Variants in NCOR2 observed in about 807,000 individuals in gnomAD.
The protein encoded by NCOR2 is nuclear receptor corepressor 2, also known as CTG repeat protein 26.
NCOR2 carries 81 observed loss-of-function variants against 262.9 expected under a neutral mutation model. The observed-to-expected ratio is 0.31, with a 90% CI of 0.26 to 0.37. The LOEUF is 0.37. Among genes scored for constraint, NCOR2 ranks in the 10% least tolerant of loss-of-function variants. The pLI is 1.00. For synonymous variants in NCOR2, 1,659 were observed against 1,559.3 expected, an observed-to-expected ratio of 1.06 and a Z score of -1.51; for missense variants, 3,385 against 3,621.4, an observed-to-expected ratio of 0.93 and a Z score of 1.68.
rs1243025 is a variant in NCOR2, at chr12:124,528,059, C to T, written c.-118+7506G>A. ...CCCGAGGCCTCCTGAGGTTTCACTG[C>T]GGAACAGACGTCATCCCTTCCACGA... On this transcript the variant is annotated intron_variant, in intron 1 of 46. Coordinates refer to the NCOR2 transcript ENST00000404621. 5.0e-3 allele frequency among the ~76,000 whole-genome samples: 754 copies of T among 152,246 alleles called. 1 individual carries two copies. The highest frequency in any genetic ancestry group is 7.9e-3 in the Non-Finnish European group (534 of 68,018).
At chr12:124,475,136 G>A (rs1042551913) in intron 3 of NCOR2, among the ~76,000 whole-genome samples, 12 of 152,134 alleles carry the variant, frequency 7.9e-5, no homozygotes, top group African/African-American at 2.7e-4. Flanking sequence ...GAGATGTGGG[G>A]GCAAGGACAG....
At chr12:124,325,466 G>A (rs2034544421) in exon 47 of NCOR2, 3 of 1,329,990 alleles carry the variant, frequency 2.3e-6, no homozygotes, top group Middle Eastern at 5.6e-4. Context: ...CTCGTCCCAG[G>A]CGTGGTGGGG....
intron 13 of NCOR2, among the ~76,000 whole-genome samples, chr12:124,409,954 C>T (rs1162927647): frequency 6.6e-6 from 1 of 151,940 alleles, no homozygotes; most frequent in Non-Finnish European, 1.5e-5. Flanking sequence ...GCTGGGATTA[C>T]AGGCATGAGC....
intron 11 of NCOR2, among the ~76,000 whole-genome samples, chr12:124,424,885 C>T (rs1337010937): frequency 4.6e-5 from 7 of 152,310 alleles, no homozygotes; most frequent in East Asian, 3.9e-4. Context: ...CAGAGGCCTC[C>T]GTCCACACCT....
chr12:124,382,544 A>G (rs901304037), intron 17 of NCOR2, among the ~76,000 whole-genome samples: 2 of 152,192 alleles, frequency 1.3e-5, no homozygotes, highest in African/African-American at 2.4e-5. Context: ...TTCGGATCAG[A>G]ATCACTTTCA....
At chr12:124,383,866 G>A (rs917996682) in intron 17 of NCOR2, among the ~76,000 whole-genome samples, 7 of 152,248 alleles carry the variant, frequency 4.6e-5, no homozygotes, top group African/African-American at 1.7e-4. Context: ...GGTTCACCGT[G>A]CTGGGGTCTC....
chr12:124,400,749 C>T, intron 14 of NCOR2, 76 bp from the exon 17 acceptor site: 1 of 1,544,944 alleles, frequency 6.5e-7, no homozygotes, highest in Middle Eastern at 1.7e-4. Flanking sequence ...GAGACTGTTT[C>T]TTTAGCTGGA....
intron 30 of NCOR2, 124 bp from the exon 33 acceptor site, chr12:124,346,974 A>C: frequency 8.2e-7 from 1 of 1,222,024 alleles, no homozygotes; most frequent in Non-Finnish European, 1.1e-6. Flanking sequence ...TGTGACCTTG[A>C]CCAGGAAATC....
chr12:124,479,540 C>T (rs950452483), intron 3 of NCOR2, among the ~76,000 whole-genome samples: 2 of 152,102 alleles, frequency 1.3e-5, no homozygotes, highest in African/African-American at 2.4e-5. Flanking sequence ...CACACACACC[C>T]GCACCCACAC....
intron 32 of NCOR2, 62 bp downstream of exon 34, chr12:124,344,535 G>T: frequency 7.4e-7 from 1 of 1,354,260 alleles, no homozygotes; most frequent in Non-Finnish European, 9.7e-7. Context: ...ATGGTGGATG[G>T]GGAGGCACAG....
At chr12:124,379,380 C>T (rs1399975076) in intron 17 of NCOR2, among the ~76,000 whole-genome samples, 5 of 152,218 alleles carry the variant, frequency 3.3e-5, no homozygotes, top group Admixed American at 6.5e-5. Context: ...TTTGTCCCCA[C>T]GCTGAGCCAG....
chr12:124,535,786 CAG>C (rs1277998707), upstream of NCOR2, among the ~76,000 whole-genome samples: 1 of 152,202 alleles, frequency 6.6e-6, no homozygotes, highest in Non-Finnish European at 1.5e-5. Flanking sequence ...ACCTATTTGA[CAG>C]AGAGGGAGAC....
rs765975059 is a variant in NCOR2 at position 124,332,500 on chromosome 12, T to C, written c.6756-33A>G. On this transcript the variant is annotated intron_variant, in intron 42 of 46. Coordinates refer to ENST00000405201, the Ensembl canonical transcript of NCOR2. ...GATCAAACACCTCACATCAGCTCACTTGGTGCCGAGCTTGCATGCCTTTGA... is the reference window on the plus strand; with the variant it reads ...GATCAAACACCTCACATCAGCTCACCTGGTGCCGAGCTTGCATGCCTTTGA... The C allele has an allele frequency of 4.3e-6, 7 of 1,613,446 alleles. No homozygotes were observed. In the African/African-American group the frequency reaches 6.7e-5, roughly 15 times the overall value.
At chr12:124,425,854 C>G (rs999250061) in intron 11 of NCOR2, among the ~76,000 whole-genome samples, 2 of 152,148 alleles carry the variant, frequency 1.3e-5, no homozygotes, top group Admixed American at 1.3e-4. Flanking sequence ...CTCTCTGAGC[C>G]TCCGTGTCAT....
chr12:124,355,672 G>C (rs2037891852), intron 23 of NCOR2, 101 bp from the exon 26 acceptor site: 2 of 1,429,940 alleles, frequency 1.4e-6, no homozygotes, highest in Admixed American at 2.9e-5. Flanking sequence ...GTCCTGGCCA[G>C]GAAGTGCCCA....
chr12:124,519,241 G>A (rs971256206), intron 1 of NCOR2, among the ~76,000 whole-genome samples: 10 of 152,134 alleles, frequency 6.6e-5, no homozygotes, highest in South Asian at 2.1e-4. Flanking sequence ...CTTTCCATCC[G>A]TAGAAGGGGC....
chr12:124,467,080 T>G (rs2046462369), intron 4 of NCOR2, among the ~76,000 whole-genome samples: 1 of 116,450 alleles, frequency 8.6e-6, no homozygotes, highest in African/African-American at 3.4e-5. Flanking sequence ...CCCATCATCT[T>G]CATCCTCATC....
At chr12:124,530,900 G>T (rs1416321811) in intron 1 of NCOR2, among the ~76,000 whole-genome samples, 4 of 152,218 alleles carry the variant, frequency 2.6e-5, no homozygotes, top group Non-Finnish European at 5.9e-5. Context: ...GAGCTGGCCA[G>T]GATTCTTGTA....
chr12:124,362,353 T>A, intron 21 of NCOR2, 56 bp from the exon 24 acceptor site: 1 of 1,328,742 alleles, frequency 7.5e-7, no homozygotes, highest in Non-Finnish European at 9.7e-7. Context: ...AGTGACAGGG[T>A]CAGGGAGAGA....
Sources: allele counts gnomAD v4.1 joint callset (sites outside exome capture counted in the v4.1 genomes callset), GRCh38; gene constraint gnomAD v4.1.1; transcripts MANE v1.5; gene names NCBI Gene and HGNC (gene_info 2026-07-23, HGNC 2026-07-21).